Variants in PCCA observed in about 807,000 individuals in gnomAD.
PCCA encodes propionyl-CoA carboxylase alpha chain, mitochondrial.
Under a neutral mutation model 101.3 loss-of-function variants are expected in PCCA, and 74 were observed. That is an observed-to-expected ratio of 0.73 (90% confidence interval 0.61 to 0.89). The LOEUF (loss-of-function observed/expected upper bound fraction) is 0.89. PCCA is among the 40% of genes least tolerant of loss of function. The probability of loss-of-function intolerance (pLI) is 0.00; values close to 1 mark genes in which losing one functional copy is unlikely to be tolerated. For synonymous variants in PCCA, 294 were observed against 313.6 expected (o/e 0.94, Z 0.66); for missense variants, 891 against 907.0 (o/e 0.98, Z 0.23).
At chr13:100,481,885 T>A (rs2083969658) in intron 21 of PCCA, among the ~76,000 whole-genome samples, 1 of 152,234 alleles carries the variant, frequency 6.6e-6, no homozygotes, top group Non-Finnish European at 1.5e-5. Flanking sequence ...ATATAAAGTT[T>A]ACAGTTCCTG....
intron 6 of PCCA, among the ~76,000 whole-genome samples, chr13:100,204,058 CTT>C (rs1566700131): frequency 6.6e-6 from 1 of 151,890 alleles, no homozygotes; most frequent in Non-Finnish European, 1.5e-5. Context: ...CAGAAACACT[CTT>C]TTCTTTTATC....
chr13:100,366,638 C>G (rs961087465), intron 18 of PCCA, among the ~76,000 whole-genome samples: 2 of 152,064 alleles, frequency 1.3e-5, no homozygotes, highest in African/African-American at 4.8e-5. Flanking sequence ...CTCCTCCTCC[C>G]CTCCCCACTG....
intron 6 of PCCA, among the ~76,000 whole-genome samples, chr13:100,160,088 A>C (rs1462785926): frequency 6.6e-6 from 1 of 152,188 alleles, no homozygotes; most frequent in Non-Finnish European, 1.5e-5. Context: ...GAAAGTGTAC[A>C]ATAGGCCAAA....
chr13:100,236,776 T>C (rs1164641325), intron 8 of PCCA: 1 of 152,196 alleles, frequency 6.6e-6, no homozygotes, highest in African/African-American at 2.4e-5. Context: ...ACTTTTTAAT[T>C]TTAAAAATAT....
At chr13:100,319,502 G>T (rs9518048) in intron 16 of PCCA, among the ~76,000 whole-genome samples, 141,120 of 152,168 alleles carry the variant, frequency 0.93, 66,374 homozygotes, top group East Asian at 1. Context: ...CATCTTGAAT[G>T]AATTTTTGTA....
At chr13:100,489,587 A>G (rs1337206484) in intron 21 of PCCA, among the ~76,000 whole-genome samples, 2 of 152,252 alleles carry the variant, frequency 1.3e-5, no homozygotes, top group African/African-American at 2.4e-5. Flanking sequence ...GTGTGTGCAC[A>G]TATGTATACT....
chr13:100,409,634 C>T (rs1345039097), intron 19 of PCCA, among the ~76,000 whole-genome samples: 1 of 152,266 alleles, frequency 6.6e-6, no homozygotes, highest in Non-Finnish European at 1.5e-5. Flanking sequence ...GCTATCTCAC[C>T]ATGATCGGAA....
chr13:100,213,565 T>A (rs1226778246), intron 7 of PCCA, among the ~76,000 whole-genome samples: 1 of 152,214 alleles, frequency 6.6e-6, no homozygotes, highest in East Asian at 1.9e-4. Context: ...TTTGCCCATT[T>A]AAAAAATTGG....
chr13:100,169,400 C>T (rs1057406499), intron 6 of PCCA, among the ~76,000 whole-genome samples: 1 of 146,988 alleles, frequency 6.8e-6, no homozygotes, highest in African/African-American at 2.5e-5. Context: ...GAGATCGTGC[C>T]ACTACACTCC....
chr13:100,111,854 T>A lies in PCCA; in HGVS notation c.197T>A (p.Ile66Asn). The A allele has an allele frequency of 6.2e-7, 1 of 1,608,728 alleles. No individual in the cohort carries two copies. The highest frequency in any genetic ancestry group is 8.5e-7 in the Non-Finnish European group (1 of 1,176,000). Residue 66 changes from isoleucine (I) to asparagine (N), a missense_variant, in exon 3 of 24, where the codon ATT becomes AAT. Physicochemically the swap from Ile to Asn is moderately radical, Grantham distance 149. Coordinates refer to ENST00000376285, the MANE Select transcript of PCCA (RefSeq NM_000282.4). The stretch of plus-strand genomic sequence containing the variant: ...TTCTCTCTTCAGACTTTTGATAAAA[T>A]TCTTGTTGCTAATAGAGGAGAAATT... ...YDPNEKTFDK[I>N]LVANRGEIAC...
chr13:100,227,349 A>G (rs958293977), intron 7 of PCCA, among the ~76,000 whole-genome samples: 3 of 152,172 alleles, frequency 2.0e-5, no homozygotes, highest in Non-Finnish European at 2.9e-5. Context: ...AATAAATGAC[A>G]TTTGCAGAAA....
At chr13:100,207,313 A>G (rs1198159662) in intron 6 of PCCA, among the ~76,000 whole-genome samples, 1 of 152,040 alleles carries the variant, frequency 6.6e-6, no homozygotes, top group African/African-American at 2.4e-5. Context: ...AGAGAAGCAT[A>G]CCTCTTGAAT....
chr13:100,204,392 G>C (rs567777842), intron 6 of PCCA, among the ~76,000 whole-genome samples: 1 of 152,120 alleles, frequency 6.6e-6, no homozygotes, highest in Non-Finnish European at 1.5e-5. Flanking sequence ...CACCTGCCTC[G>C]GCCTCCCAAA....
chr13:100,275,287 T>G (rs2063568785), intron 12 of PCCA, among the ~76,000 whole-genome samples: 3 of 152,144 alleles, frequency 2.0e-5, no homozygotes, highest in Non-Finnish European at 4.4e-5. Flanking sequence ...AGCCCTACCA[T>G]GGGTGCAGGA....
chr13:100,354,206 G>A (rs1366586385), intron 18 of PCCA, among the ~76,000 whole-genome samples: 1 of 151,084 alleles, frequency 6.6e-6, no homozygotes, highest in Non-Finnish European at 1.5e-5. Flanking sequence ...AGCCCAGGAA[G>A]TCAGGGCTGT....
intron 17 of PCCA, among the ~76,000 whole-genome samples, chr13:100,334,120 C>T (rs1207773392): frequency 3.9e-5 from 6 of 152,048 alleles, no homozygotes; most frequent in African/African-American, 1.2e-4. Context: ...AACAAAACAC[C>T]GGAAACCCAG....
At chr13:100,279,022 T>C (rs9518041) in intron 12 of PCCA, among the ~76,000 whole-genome samples, 71,923 of 152,036 alleles carry the variant, frequency 0.47, 17,094 homozygotes, top group Middle Eastern at 0.54. Flanking sequence ...GTCATGTCCA[T>C]GTTCGGCCTG....
chr13:100,400,261 G>A (rs577748585), intron 19 of PCCA, among the ~76,000 whole-genome samples: 6 of 152,188 alleles, frequency 3.9e-5, no homozygotes, highest in South Asian at 2.1e-4. Context: ...TTTAGTATGC[G>A]GGGTGACTTC....
chr13:100,149,753 A>G (rs1219923244), intron 4 of PCCA: 2 of 152,320 alleles, frequency 1.3e-5, no homozygotes, highest in Non-Finnish European at 1.5e-5. Flanking sequence ...GATAGGTTTC[A>G]AAATATCTCT....
Sources: gnomAD v4.1 joint callset for allele counts (sites outside exome capture counted in the v4.1 genomes callset) on GRCh38, gnomAD v4.1.1 for gene constraint, MANE v1.5 for transcripts, NCBI Gene and HGNC (gene_info 2026-07-23, HGNC 2026-07-21) for gene names.